JAM2: variants seen among roughly 807,000 people sequenced by gnomAD.
JAM2 encodes the protein junctional adhesion molecule B.
JAM2 carries 17 observed loss-of-function variants against 42.0 expected under a neutral mutation model. The observed-to-expected ratio is 0.40, with a 90% confidence interval of 0.28 to 0.61. The LOEUF (loss-of-function observed/expected upper bound fraction) is 0.61, where lower values mean the gene tolerates loss of function less well. Among genes scored for constraint, JAM2 ranks in the 20% least tolerant of loss-of-function variants. JAM2 has a pLI of 0.37. For synonymous variants in JAM2, 118 were observed against 128.6 expected, an observed-to-expected ratio of 0.92 and a Z score of 0.56; for missense variants, 319 against 358.3, an observed-to-expected ratio of 0.89 and a Z score of 0.89.
chr21:25,683,275 G>A (rs1028527166), intron 1 of JAM2, among the ~76,000 whole-genome samples: 2 of 152,124 alleles, frequency 1.3e-5, no homozygotes. Context: ...AGTAGTGGTA[G>A]CCACCACAGT....
chr21:25,669,382 AAAAAAAG>A (rs1601013387), intron 1 of JAM2, among the ~76,000 whole-genome samples: 2 of 94,316 alleles, frequency 2.1e-5, no homozygotes, highest in Admixed American at 9.6e-5. Flanking sequence ...AAAAAAAAGA[AAAAAAAG>A]AAAAAAAGAA....
At chr21:25,703,996 A>T (rs990037728) in intron 6 of JAM2, among the ~76,000 whole-genome samples, 12 of 152,254 alleles carry the variant, frequency 7.9e-5, no homozygotes, top group African/African-American at 2.6e-4. Flanking sequence ...ATTTTTTGTC[A>T]GTAGTTTCTT....
chr21:25,671,875 T>C (rs1275710861), intron 1 of JAM2, among the ~76,000 whole-genome samples: 1 of 152,224 alleles, frequency 6.6e-6, no homozygotes, highest in East Asian at 1.9e-4. Flanking sequence ...ATTTAACAGA[T>C]TGGTGATATT....
chr21:25,707,618 A>C (rs2034299546), intron 7 of JAM2, among the ~76,000 whole-genome samples: 1 of 152,212 alleles, frequency 6.6e-6, no homozygotes, highest in Admixed American at 6.5e-5. Flanking sequence ...TGATAATGCA[A>C]TAGGTTTGAT....
Position 25,648,966 on chromosome 21 carries a change from T to C in JAM2, c.67+9078T>C, listed in dbSNP as rs1240952693. Among the ~76,000 whole-genome samples the C allele has an allele frequency of 2.6e-5, 4 of 152,350 alleles. No individual in the cohort carries two copies. The East Asian group carries it at 5.8e-4, about 22-fold the overall frequency. ...TGTAAAATTAATAGTCTCAAATGAATGCATAATATTACTGCTCCTAAAACT... is the reference window on the plus strand; with the variant it reads ...TGTAAAATTAATAGTCTCAAATGAACGCATAATATTACTGCTCCTAAAACT... On this transcript the variant is annotated intron_variant, in intron 1 of 9. Coordinates refer to ENST00000480456, the MANE Select transcript of JAM2 (RefSeq NM_021219.4).
At chr21:25,675,320 A>G (rs1465234148) in intron 1 of JAM2, among the ~76,000 whole-genome samples, 1 of 151,880 alleles carries the variant, frequency 6.6e-6, no homozygotes, top group Non-Finnish European at 1.5e-5. Flanking sequence ...ACATGGTGAA[A>G]CCCCATCTCC....
intron 2 of JAM2, 34 bp from the exon 3 acceptor site, chr21:25,689,832 A>T (rs376157121): frequency 7.4e-7 from 1 of 1,357,752 alleles, no homozygotes; most frequent in South Asian, 1.2e-5. Context: ...CATGGGGACA[A>T]TTAGAAAACA....
In JAM2 at chr21:25,674,296, G is replaced by A. The variant is rs557563685; in HGVS notation, c.68-9587G>A. On this transcript the variant is annotated intron_variant, in intron 1 of 9. Transcript: ENST00000480456. Reference sequence around the variant, plus strand: ...TGTGATCCCAGCTACTCAGGAGGCTGGGGCATGAGAATCACTTGAACCTGG... The same window carrying A: ...TGTGATCCCAGCTACTCAGGAGGCTAGGGCATGAGAATCACTTGAACCTGG... Among the ~76,000 whole-genome samples, 4 of 152,238 alleles carry A rather than the reference G, an allele frequency of 2.6e-5. No homozygotes were observed. In the South Asian group the frequency reaches 8.3e-4, roughly 32 times the overall value.
At chr21:25,704,054 C>T (rs1363620916) in intron 6 of JAM2, among the ~76,000 whole-genome samples, 2 of 150,538 alleles carry the variant, frequency 1.3e-5, no homozygotes, top group African/African-American at 4.9e-5. Context: ...TGACAAACTA[C>T]AAGACAGTTT....
At chr21:25,702,587 T>A (rs922303862) in intron 6 of JAM2, among the ~76,000 whole-genome samples, 1 of 152,208 alleles carries the variant, frequency 6.6e-6, no homozygotes, top group Non-Finnish European at 1.5e-5. Context: ...TAGTCTAAAT[T>A]GTTGAAGGTC....
chr21:25,641,606 T>TA (rs1390656756), intron 1 of JAM2, among the ~76,000 whole-genome samples: 2 of 148,956 alleles, frequency 1.3e-5, no homozygotes, highest in Non-Finnish European at 3.0e-5. Context: ...TTTTTTTTTT[T>TA]ATGTTTAAAA....
At chr21:25,649,920 TGCAGGA>T (rs1194687318) in intron 1 of JAM2, among the ~76,000 whole-genome samples, 1 of 152,208 alleles carries the variant, frequency 6.6e-6, no homozygotes, top group African/African-American at 2.4e-5. Context: ...TGGAAACACC[TGCAGGA>T]GCAGCAAGCA....
At chr21:25,670,381 T>C (rs6516685) in intron 1 of JAM2, among the ~76,000 whole-genome samples, 60,666 of 151,718 alleles carry the variant, frequency 0.4, 14,029 homozygotes, top group East Asian at 0.63. Flanking sequence ...CTACTCAGGA[T>C]TGCTGAGGTG....
At chr21:25,676,310 G>GAA (rs57407708) in intron 1 of JAM2, among the ~76,000 whole-genome samples, 54 of 121,124 alleles carry the variant, frequency 4.5e-4, no homozygotes, top group Non-Finnish European at 6.2e-4. Flanking sequence ...AAAAGAAAAA[G>GAA]AAAAAAAAAA....
intron 3 of JAM2, among the ~76,000 whole-genome samples, chr21:25,690,269 CTCT>C (rs1353548557): frequency 5.9e-5 from 9 of 151,940 alleles, no homozygotes; most frequent in Non-Finnish European, 1.3e-4. Flanking sequence ...TCCTTCCTTT[CTCT>C]TCTTTCTTTC....
chr21:25,695,071 C>A (rs1463437250), intron 4 of JAM2, among the ~76,000 whole-genome samples: 1 of 151,408 alleles, frequency 6.6e-6, no homozygotes. Flanking sequence ...GAGGGAAGGT[C>A]AGCAGATAAA....
chr21:25,674,370 C>T (rs532041896), intron 1 of JAM2, among the ~76,000 whole-genome samples: 39 of 151,892 alleles, frequency 2.6e-4, no homozygotes, highest in African/African-American at 8.2e-4. Context: ...ACTCTACCCT[C>T]GGTGACAGAG....
At chr21:25,664,654 T>C (rs1008702708) in intron 1 of JAM2, among the ~76,000 whole-genome samples, 50 of 152,244 alleles carry the variant, frequency 3.3e-4, no homozygotes, top group African/African-American at 1.2e-3. Context: ...TGTCCTAGTT[T>C]CTCTTATTTC....
intron 2 of JAM2, among the ~76,000 whole-genome samples, chr21:25,685,089 G>T (rs1426970705): frequency 6.6e-6 from 1 of 152,128 alleles, no homozygotes; most frequent in Non-Finnish European, 1.5e-5. Context: ...TATGTCTTAG[G>T]TTCCTGGAGC....
Sources: gnomAD v4.1 joint callset for allele counts (sites outside exome capture counted in the v4.1 genomes callset) on GRCh38, gnomAD v4.1.1 for gene constraint, MANE v1.5 for transcripts, NCBI Gene and HGNC (gene_info 2026-07-23, HGNC 2026-07-21) for gene names.